TRAPPC9: variants seen among roughly 807,000 people sequenced by gnomAD.
The protein encoded by TRAPPC9 is IKK2 binding protein.
A neutral mutation model predicts 124.0 loss-of-function variants in TRAPPC9; 83 were observed. The observed-to-expected ratio is 0.67, with a 90% CI of 0.56 to 0.80. The LOEUF is 0.80. Among genes scored for constraint, TRAPPC9 ranks in the 30% least tolerant of loss-of-function variants. The pLI is 0.00. For missense variants in TRAPPC9, 1,302 were observed against 1,508.3 expected (o/e 0.86, Z 2.27); for synonymous variants, 638 against 617.5 (o/e 1.03, Z -0.49).
chr8:140,047,892 G>A (rs114577935), intron 17 of TRAPPC9, among the ~76,000 whole-genome samples: 2,909 of 152,290 alleles, frequency 0.019, 84 homozygotes, highest in African/African-American at 0.065. Flanking sequence ...GGAGGGCGAG[G>A]TCAGGAGACA....
At chr8:140,396,794 C>T (rs1278058590) in intron 7 of TRAPPC9, among the ~76,000 whole-genome samples, 1 of 152,168 alleles carries the variant, frequency 6.6e-6, no homozygotes, top group Non-Finnish European at 1.5e-5. Flanking sequence ...ACACCCTCCA[C>T]CTCCATTAAA....
intron 21 of TRAPPC9, among the ~76,000 whole-genome samples, chr8:139,803,728 C>T (rs1039318628): frequency 3.3e-5 from 5 of 152,230 alleles, no homozygotes; most frequent in Admixed American, 3.3e-4. Flanking sequence ...GGCTGTTCCC[C>T]GGAGTCACTG....
At chr8:140,031,469 C>T (rs1435654411) in intron 17 of TRAPPC9, among the ~76,000 whole-genome samples, 1 of 152,204 alleles carries the variant, frequency 6.6e-6, no homozygotes, top group African/African-American at 2.4e-5. Context: ...TGAAGTAGAT[C>T]TCTAATATTT....
intron 5 of TRAPPC9, among the ~76,000 whole-genome samples, chr8:140,421,322 C>CTTTAATGGAGCCAGAATAT (rs2070197480): frequency 6.6e-6 from 1 of 152,174 alleles, no homozygotes; most frequent in Non-Finnish European, 1.5e-5. Context: ...GCACTAATTA[C>CTTTAATGGAGCCAGAATAT]TTTAATGGAG....
chr8:139,924,740 G>T (rs970641379), intron 19 of TRAPPC9, among the ~76,000 whole-genome samples: 2 of 152,172 alleles, frequency 1.3e-5, no homozygotes, highest in Non-Finnish European at 2.9e-5. Context: ...CATCAGCCAC[G>T]CTTGATGGCA....
chr8:139,989,349 G>C (rs919637617), intron 18 of TRAPPC9, among the ~76,000 whole-genome samples: 1 of 152,178 alleles, frequency 6.6e-6, no homozygotes, highest in African/African-American at 2.4e-5. Flanking sequence ...TCTCCCATGC[G>C]GGCACCTCTC....
At chr8:140,380,577 C>T (rs559845875) in intron 7 of TRAPPC9, among the ~76,000 whole-genome samples, 15 of 149,228 alleles carry the variant, frequency 1.0e-4, no homozygotes, top group African/African-American at 3.7e-4. Context: ...ATCACTTGAA[C>T]CCGGGAGGCG....
chr8:140,122,824 G>A (rs903650934), intron 17 of TRAPPC9, among the ~76,000 whole-genome samples: 41 of 152,270 alleles, frequency 2.7e-4, no homozygotes, highest in African/African-American at 9.9e-4. Flanking sequence ...AGCCTCTCTC[G>A]AGAAGGGGCA....
At chr8:139,915,045 G>A (rs1410557008) in intron 19 of TRAPPC9, among the ~76,000 whole-genome samples, 5 of 152,206 alleles carry the variant, frequency 3.3e-5, no homozygotes, top group African/African-American at 4.8e-5. Flanking sequence ...TGGAAACTGC[G>A]TGGAAAAGGC....
At chr8:139,772,571 G>A (rs1419353600) in intron 21 of TRAPPC9, among the ~76,000 whole-genome samples, 2 of 152,228 alleles carry the variant, frequency 1.3e-5, no homozygotes, top group Non-Finnish European at 2.9e-5. Flanking sequence ...CTTGCCTGGA[G>A]TCGGCTACAC....
At chr8:140,305,136 T>C (rs75205749) in intron 10 of TRAPPC9, among the ~76,000 whole-genome samples, 6,722 of 152,280 alleles carry the variant, frequency 0.044, 207 homozygotes, top group Admixed American at 0.082. Flanking sequence ...AGGGGGGCTC[T>C]TGTAGTCAAT....
At chr8:140,351,670 C>CTA (rs962742789) in intron 9 of TRAPPC9, among the ~76,000 whole-genome samples, 1 of 152,164 alleles carries the variant, frequency 6.6e-6, no homozygotes, top group Non-Finnish European at 1.5e-5. Flanking sequence ...TATGCAAATA[C>CTA]TATGCCATTT....
intron 21 of TRAPPC9, among the ~76,000 whole-genome samples, chr8:139,812,103 A>T (rs1824484855): frequency 6.6e-6 from 1 of 152,180 alleles, no homozygotes; most frequent in Admixed American, 6.5e-5. Flanking sequence ...TGCACACACG[A>T]TGTAGCTGAT....
intron 21 of TRAPPC9, among the ~76,000 whole-genome samples, chr8:139,736,806 C>T (rs1268323347): frequency 2.0e-5 from 3 of 152,210 alleles, no homozygotes; most frequent in East Asian, 1.9e-4. Context: ...GTTGCCAATT[C>T]GCTTCTCTGA....
intron 21 of TRAPPC9, among the ~76,000 whole-genome samples, chr8:139,870,598 G>C (rs572126675): frequency 6.7e-6 from 1 of 148,808 alleles, no homozygotes; most frequent in African/African-American, 2.5e-5. Flanking sequence ...CAGCTCCACA[G>C]GATGGAGATG....
chr8:139,861,296 T>A (rs1587010386), intron 21 of TRAPPC9, among the ~76,000 whole-genome samples: 1 of 152,148 alleles, frequency 6.6e-6, no homozygotes, highest in African/African-American at 2.4e-5. Context: ...TTGGCTAGGG[T>A]TGGACTGCAC....
At chr8:140,330,519 G>A (rs1167879629) in intron 9 of TRAPPC9, among the ~76,000 whole-genome samples, 1 of 152,150 alleles carries the variant, frequency 6.6e-6, no homozygotes, top group Non-Finnish European at 1.5e-5. Flanking sequence ...AGGCCCTGAT[G>A]AACAATCATT....
chr8:139,929,347 C>T (rs1832988856), intron 19 of TRAPPC9, among the ~76,000 whole-genome samples: 1 of 152,214 alleles, frequency 6.6e-6, no homozygotes, highest in Non-Finnish European at 1.5e-5. Flanking sequence ...TAACAGATAA[C>T]GTCTGATACA....
At chr8:140,055,230 A>G (rs1842229691) in intron 17 of TRAPPC9, among the ~76,000 whole-genome samples, 1 of 152,238 alleles carries the variant, frequency 6.6e-6, no homozygotes, top group Non-Finnish European at 1.5e-5. Context: ...AAATCAATCA[A>G]TGTGGCTCTA....
Sources: allele counts gnomAD v4.1 joint callset (sites outside exome capture counted in the v4.1 genomes callset), GRCh38; gene constraint gnomAD v4.1.1; transcripts MANE v1.5; gene names NCBI Gene and HGNC (gene_info 2026-07-23, HGNC 2026-07-21).